The following TAF3 variants were observed in gnomAD, a reference collection of about 807,000 sequenced individuals.
TAF3 encodes transcription initiation factor TFIID subunit 3.
Under a neutral mutation model 80.6 loss-of-function variants are expected in TAF3, and 7 were observed. The observed-to-expected ratio is 0.09, with a 90% confidence interval of 0.05 to 0.16. The LOEUF (loss-of-function observed/expected upper bound fraction) is 0.16, where lower values mean the gene tolerates loss of function less well. Ranked by LOEUF, TAF3 falls within the 10% of genes least tolerant of loss-of-function variation. The probability of loss-of-function intolerance (pLI) is 1.00; values close to 1 mark genes in which losing one functional copy is unlikely to be tolerated. For synonymous variants in TAF3, 444 were observed against 446.1 expected, an observed-to-expected ratio of 1.00 and a Z score of 0.06; for missense variants, 921 against 1,140.2, an observed-to-expected ratio of 0.81 and a Z score of 2.77.
chr10:7,887,197 A>G (rs1220627502), intron 2 of TAF3, among the ~76,000 whole-genome samples: 1 of 150,856 alleles, frequency 6.6e-6, no homozygotes, highest in Non-Finnish European at 1.5e-5. Context: ...GCACCACTGC[A>G]CTCCTGCCTG....
intron 4 of TAF3, among the ~76,000 whole-genome samples, chr10:7,988,820 AT>A (rs1006958343): frequency 2.4e-4 from 35 of 145,380 alleles, no homozygotes; most frequent in African/African-American, 7.4e-4. Flanking sequence ...TTATTTATTT[AT>A]TTTTTTATAG....
At chr10:7,938,751 A>G (rs901308299) in intron 2 of TAF3, among the ~76,000 whole-genome samples, 12 of 152,216 alleles carry the variant, frequency 7.9e-5, no homozygotes, top group Non-Finnish European at 1.8e-4. Context: ...GTGACAGCTA[A>G]GCTCATGAGA....
At position 7,992,933 on chromosome 10, in the gene TAF3, C is replaced by G. The variant is rs1472460046; in HGVS notation, c.2315+15610C>G. 2.0e-5 allele frequency among the ~76,000 whole-genome samples: 3 copies of G among 152,172 alleles called. No individual in the cohort carries two copies. In the South Asian group the frequency reaches 6.2e-4, roughly 32 times the overall value. On this transcript the variant is annotated intron_variant, in intron 4 of 6. Transcript: ENST00000344293. ...TTCAAAACTTAATATCATTTCACCT[C>G]TATATTCTTCAGTATGCAACTCTAA... is the stretch of plus-strand genomic sequence containing the variant.
At chr10:7,940,815 A>G (rs1050820234) in intron 2 of TAF3, among the ~76,000 whole-genome samples, 1 of 151,900 alleles carries the variant, frequency 6.6e-6, no homozygotes, top group Non-Finnish European at 1.5e-5. Context: ...CAGAAAAATT[A>G]GCTGGGTATG....
chr10:7,837,802 G>C (rs181371905), intron 2 of TAF3, among the ~76,000 whole-genome samples: 2 of 152,316 alleles, frequency 1.3e-5, no homozygotes, highest in South Asian at 4.1e-4. Flanking sequence ...CTGGGTGACA[G>C]AGTGGGACCC....
At chr10:7,991,869 C>T (rs1831838861) in intron 4 of TAF3, among the ~76,000 whole-genome samples, 5 of 152,154 alleles carry the variant, frequency 3.3e-5, no homozygotes, top group Admixed American at 2.6e-4. Context: ...AATTTTATAA[C>T]TCTCCAGTGA....
chr10:7,866,403 G>A (rs1441864153), intron 2 of TAF3, among the ~76,000 whole-genome samples: 2 of 152,212 alleles, frequency 1.3e-5, no homozygotes, highest in African/African-American at 2.4e-5. Flanking sequence ...GAATTTCAGG[G>A]CAGGCCTTCT....
intron 4 of TAF3, among the ~76,000 whole-genome samples, chr10:7,998,807 C>G (rs948651879): frequency 6.6e-6 from 1 of 150,904 alleles, no homozygotes; most frequent in African/African-American, 2.4e-5. Context: ...CCACTGCACT[C>G]CAGCCTGGGC....
chr10:7,961,709 C>G (rs956648878), intron 2 of TAF3, among the ~76,000 whole-genome samples: 1 of 152,230 alleles, frequency 6.6e-6, no homozygotes, highest in East Asian at 1.9e-4. Context: ...TTTCAGCTGC[C>G]GAGTAGGCAT....
intron 4 of TAF3, among the ~76,000 whole-genome samples, chr10:8,008,617 C>G (rs1832019546): frequency 6.6e-6 from 1 of 152,332 alleles, no homozygotes; most frequent in East Asian, 1.9e-4. Flanking sequence ...GGGCTTCCAA[C>G]AGCAAATGTG....
intron 2 of TAF3, among the ~76,000 whole-genome samples, chr10:7,941,103 TAGAG>T (rs375094177): frequency 0.011 from 1,732 of 152,194 alleles, 20 homozygotes; most frequent in Middle Eastern, 0.031. Flanking sequence ...GTTGGAAACA[TAGAG>T]AGCCACAAAT....
chr10:7,889,408 G>A (rs571045464), intron 2 of TAF3, among the ~76,000 whole-genome samples: 6 of 152,340 alleles, frequency 3.9e-5, no homozygotes, highest in African/African-American at 1.4e-4. Context: ...CAACAACCCT[G>A]TAAGGCAAAT....
At chr10:7,915,098 G>A (rs1305210727) in intron 2 of TAF3, among the ~76,000 whole-genome samples, 7 of 151,474 alleles carry the variant, frequency 4.6e-5, no homozygotes, top group African/African-American at 1.7e-4. Context: ...CTGCCACCAC[G>A]CCCAGCTACT....
intron 4 of TAF3, among the ~76,000 whole-genome samples, chr10:8,003,588 T>C (rs1831965279): frequency 6.6e-6 from 1 of 152,234 alleles, no homozygotes; most frequent in Admixed American, 6.5e-5. Flanking sequence ...GTTGATATGA[T>C]TTCAGATTAC....
chr10:7,886,774 T>C (rs1458630571), intron 2 of TAF3, among the ~76,000 whole-genome samples: 3 of 152,232 alleles, frequency 2.0e-5, no homozygotes, highest in African/African-American at 7.2e-5. Flanking sequence ...AGATGCACTT[T>C]CGTATTTCTG....
At chr10:7,880,034 C>A (rs1040095441) in intron 2 of TAF3, among the ~76,000 whole-genome samples, 1 of 152,084 alleles carries the variant, frequency 6.6e-6, no homozygotes, top group Admixed American at 6.6e-5. Context: ...TATGGCAGAA[C>A]CCTGTCTCTA....
intron 1 of TAF3, among the ~76,000 whole-genome samples, chr10:7,823,628 C>T (rs1239780432): frequency 1.4e-5 from 2 of 143,716 alleles, no homozygotes; most frequent in Admixed American, 7.3e-5. Context: ...AAGCAAGATG[C>T]CATCTCTTTT....
At chr10:7,919,392 C>G (rs936667207) in intron 2 of TAF3, among the ~76,000 whole-genome samples, 4 of 152,170 alleles carry the variant, frequency 2.6e-5, no homozygotes, top group Admixed American at 6.5e-5. Flanking sequence ...GCAGGGTGTA[C>G]TGTCCTGGTG....
chr10:7,926,023 C>A (rs1837812706), intron 2 of TAF3, among the ~76,000 whole-genome samples: 2 of 152,118 alleles, frequency 1.3e-5, no homozygotes, highest in Admixed American at 1.3e-4. Flanking sequence ...AGTTCAAGAG[C>A]AGCTTGGGCA....
Sources: allele counts gnomAD v4.1 joint callset (sites outside exome capture counted in the v4.1 genomes callset), GRCh38; gene constraint gnomAD v4.1.1; transcripts MANE v1.5; gene names NCBI Gene and HGNC (gene_info 2026-07-23, HGNC 2026-07-21).